The following GNAQ variants were observed in gnomAD, a reference collection of about 807,000 sequenced individuals.
The protein encoded by GNAQ is guanine nucleotide-binding protein G(q) subunit alpha.
GNAQ carries 8 observed loss-of-function variants against 43.9 expected under a neutral mutation model. That is an observed-to-expected ratio of 0.18 (90% CI 0.11 to 0.33). The LOEUF is 0.33. Ranked by LOEUF, GNAQ falls within the 10% of genes least tolerant of loss-of-function variation. GNAQ has a pLI of 1.00. For synonymous variants in GNAQ, 155 were observed against 170.7 expected (o/e 0.91, Z 0.71); for missense variants, 158 against 450.8 (o/e 0.35, Z 5.88).
chr9:77,802,251 C>A (rs1487440216), intron 3 of GNAQ, among the ~76,000 whole-genome samples: 1 of 152,048 alleles, frequency 6.6e-6, no homozygotes, highest in African/African-American at 2.4e-5. Context: ...GCCCGCATAA[C>A]CCCCAATCCC....
At chr9:77,957,146 A>G (rs1823050806) in intron 1 of GNAQ, among the ~76,000 whole-genome samples, 1 of 152,172 alleles carries the variant, frequency 6.6e-6, no homozygotes, top group Non-Finnish European at 1.5e-5. Flanking sequence ...TCACGAGGTC[A>G]GAAATTCGAG....
chr9:77,890,659 G>T (rs1367652775), intron 2 of GNAQ, among the ~76,000 whole-genome samples: 1 of 151,592 alleles, frequency 6.6e-6, no homozygotes, highest in African/African-American at 2.4e-5. Flanking sequence ...GGAGGCGGAG[G>T]TTGCGGTGAG....
intron 2 of GNAQ, among the ~76,000 whole-genome samples, chr9:77,851,463 T>G (rs1827675394): frequency 6.6e-6 from 1 of 152,220 alleles, no homozygotes; most frequent in Non-Finnish European, 1.5e-5. Context: ...AAAGTAGAGC[T>G]GGACGTATGC....
At chr9:77,941,628 C>T (rs569700687) in intron 1 of GNAQ, among the ~76,000 whole-genome samples, 100 of 152,230 alleles carry the variant, frequency 6.6e-4, no homozygotes, top group African/African-American at 2.3e-3. Context: ...CAAGGAAATG[C>T]TCATGTATGT....
At chr9:77,859,451 T>C (rs1827809971) in intron 2 of GNAQ, among the ~76,000 whole-genome samples, 1 of 152,212 alleles carries the variant, frequency 6.6e-6, no homozygotes, top group Non-Finnish European at 1.5e-5. Flanking sequence ...ATACACTATG[T>C]ATAGTAAAAA....
chr9:77,802,569 C>T (rs191768963), intron 3 of GNAQ, among the ~76,000 whole-genome samples: 19 of 151,972 alleles, frequency 1.3e-4, no homozygotes, highest in Admixed American at 7.9e-4. Flanking sequence ...AAAAACCACA[C>T]CGAGGTCTGA....
chr9:77,900,055 C>T (rs150239281), intron 2 of GNAQ, among the ~76,000 whole-genome samples: 6 of 152,278 alleles, frequency 3.9e-5, no homozygotes, highest in Admixed American at 1.3e-4. Flanking sequence ...TAACAGAGTA[C>T]TCAAAGCTAT....
At chr9:77,768,122 C>T (rs529110385) in intron 5 of GNAQ, among the ~76,000 whole-genome samples, 1 of 152,278 alleles carries the variant, frequency 6.6e-6, no homozygotes, top group Non-Finnish European at 1.5e-5. Flanking sequence ...CGCTGAGAGC[C>T]TCAAGGTCAA....
intron 2 of GNAQ, among the ~76,000 whole-genome samples, chr9:77,884,200 TTCTC>T (rs949836599): frequency 1.3e-5 from 2 of 152,160 alleles, no homozygotes; most frequent in Non-Finnish European, 2.9e-5. Context: ...GGAAAAAAGA[TTCTC>T]TCTGAAGCTG....
At chr9:77,915,850 T>G (rs1828894316) in intron 2 of GNAQ, among the ~76,000 whole-genome samples, 1 of 152,194 alleles carries the variant, frequency 6.6e-6, no homozygotes, top group Admixed American at 6.5e-5. Flanking sequence ...ATGTGTCACT[T>G]TATTTTTCAC....
At chr9:78,031,028 C>CA in intron 1 of GNAQ, 72 bp downstream of exon 1, 1 of 1,147,888 alleles carries the variant, frequency 8.7e-7, no homozygotes, top group Non-Finnish European at 1.1e-6. Context: ...GCGCCGAAGG[C>CA]AGCTGCCCCG....
intron 3 of GNAQ, 36 bp from the exon 4 acceptor site, chr9:77,797,684 C>T (rs972263119): frequency 1.9e-6 from 3 of 1,602,578 alleles, no homozygotes; most frequent in Non-Finnish European, 1.7e-6. Flanking sequence ...ATGTCAGTGA[C>T]ACCATCACAC....
chr9:78,025,208 CA>C (rs1174875161), intron 1 of GNAQ, among the ~76,000 whole-genome samples: 8 of 152,140 alleles, frequency 5.3e-5, no homozygotes, highest in Non-Finnish European at 7.4e-5. Context: ...TGTAACAAAT[CA>C]AAGGTGATTG....
chr9:77,825,910 TA>T (rs1827187886), intron 2 of GNAQ, among the ~76,000 whole-genome samples: 1 of 152,074 alleles, frequency 6.6e-6, no homozygotes. Flanking sequence ...AAATGTGAGA[TA>T]ACAGTCTGCA....
At chr9:77,946,087 G>A (rs1436024463) in intron 1 of GNAQ, among the ~76,000 whole-genome samples, 1 of 152,170 alleles carries the variant, frequency 6.6e-6, no homozygotes, top group African/African-American at 2.4e-5. Flanking sequence ...GAAGTTAACT[G>A]ACGCAGAGGA....
chr9:77,975,973 A>G (rs1823297033), intron 1 of GNAQ, among the ~76,000 whole-genome samples: 1 of 152,168 alleles, frequency 6.6e-6, no homozygotes, highest in Non-Finnish European at 1.5e-5. Flanking sequence ...CATCGGGAAG[A>G]GCCATGTCAC....
intron 5 of GNAQ, among the ~76,000 whole-genome samples, chr9:77,744,517 C>G (rs1587894313): frequency 6.6e-6 from 1 of 152,206 alleles, no homozygotes; most frequent in Middle Eastern, 3.4e-3. Flanking sequence ...TTTAGACAGT[C>G]TGAAAGAGAT....
At chr9:78,021,033 C>T in intron 1 of GNAQ, among the ~76,000 whole-genome samples, 1 of 147,934 alleles carries the variant, frequency 6.8e-6, no homozygotes, top group East Asian at 2.0e-4. Context: ...AAACGAGGAA[C>T]ACAGGAAGCT....
At chr9:77,812,678 T>C (rs1826946471) in intron 3 of GNAQ, among the ~76,000 whole-genome samples, 1 of 152,094 alleles carries the variant, frequency 6.6e-6, no homozygotes, top group South Asian at 2.1e-4. Context: ...ATGAACTGGG[T>C]ATAGAATGAT....
Sources: allele counts gnomAD v4.1 joint callset (sites outside exome capture counted in the v4.1 genomes callset), GRCh38; gene constraint gnomAD v4.1.1; transcripts MANE v1.5; gene names NCBI Gene and HGNC (gene_info 2026-07-23, HGNC 2026-07-21).